Variants in ANK1 observed in about 807,000 individuals in gnomAD.
ANK1 encodes ankyrin 1.
Under a neutral mutation model 210.4 loss-of-function variants are expected in ANK1, and 51 were observed. The observed-to-expected ratio is 0.24, with a 90% CI of 0.19 to 0.31. The LOEUF is 0.31. ANK1 is among the 10% of genes least tolerant of loss of function. The pLI is 1.00. For synonymous variants in ANK1, 967 were observed against 1,025.9 expected (o/e 0.94, Z 1.10); for missense variants, 2,051 against 2,504.4 (o/e 0.82, Z 3.86).
chr8:41,888,864 T>A lies in ANK1; in HGVS notation c.126+7491A>T, dbSNP rs369114740. Among the ~76,000 whole-genome samples the A allele has an allele frequency of 2.6e-4, 39 of 152,326 alleles. No homozygotes were observed. The East Asian group carries it at 5.2e-3, about 20-fold the overall frequency. ...CAGCTCCAAGACATTCTGAGGGGCC[T>A]CGGACACCCACATTCCCACTGGAAC... On this transcript the variant is annotated intron_variant, in intron 1 of 42. Coordinates refer to the ANK1 transcript ENST00000265709.
At chr8:41,874,371 T>G (rs1445801713) in intron 1 of ANK1, among the ~76,000 whole-genome samples, 3 of 152,216 alleles carry the variant, frequency 2.0e-5, no homozygotes, top group African/African-American at 7.2e-5. Context: ...TTTTGAAAAG[T>G]TGCACTGGGC....
At chr8:41,888,181 T>C (rs1818785441) in intron 1 of ANK1, among the ~76,000 whole-genome samples, 1 of 152,212 alleles carries the variant, frequency 6.6e-6, no homozygotes, top group Non-Finnish European at 1.5e-5. Context: ...AAGCCACCTA[T>C]GCCACATGCC....
chr8:41,849,894 C>T (rs1200584785), intron 1 of ANK1, among the ~76,000 whole-genome samples: 4 of 152,140 alleles, frequency 2.6e-5, no homozygotes, highest in Admixed American at 2.6e-4. Flanking sequence ...CTATGGAGCA[C>T]CTGCGATTGG....
rs1052585065 is a variant in ANK1, at chr8:41,654,051, TTAAG to T, written c.*1735_*1738del. Reference sequence around the variant, plus strand: ...GGGGCTTCTGTGCTACTTGGAAGGTTTAAGTGTGTCCCGAGGACACTCCCGCAGA... The same window carrying T: ...GGGGCTTCTGTGCTACTTGGAAGGTTTGTGTCCCGAGGACACTCCCGCAGA... On this transcript the variant is annotated 3_prime_UTR_variant, in exon 43 of 43. Transcript: ENST00000289734. The T allele has an allele frequency of 2.0e-5, 3 of 152,198 alleles. No individual in the cohort carries two copies. The highest frequency in any genetic ancestry group is 7.2e-5 in the African/African-American group (3 of 41,384). 9.4% of individuals were successfully genotyped at this position (152,198 alleles called of 1,614,324 possible).
At chr8:41,773,379 C>T (rs1843346433) in intron 1 of ANK1, among the ~76,000 whole-genome samples, 1 of 152,062 alleles carries the variant, frequency 6.6e-6, no homozygotes, top group Non-Finnish European at 1.5e-5. Flanking sequence ...AAAGGGCCAA[C>T]ATTAAACCCG....
intron 2 of ANK1, among the ~76,000 whole-genome samples, chr8:41,736,519 T>C (rs60808091): frequency 0.023 from 3,504 of 152,312 alleles, 161 homozygotes; most frequent in African/African-American, 0.081. Flanking sequence ...GCTGTCGGCA[T>C]GGCTGGAGTG....
Position 41,774,913 on chromosome 8 carries a change from C to T in ANK1, c.28-16776G>A, listed in dbSNP as rs149446140. On this transcript the variant is annotated intron_variant, in intron 1 of 42. Transcript: ENST00000289734. ...GATGAGCGGCACTGCCAGAATGGGC[C>T]CATTTACTAAACTACCTCCAGTGTT... Among the ~76,000 whole-genome samples, 1,181 of 152,302 alleles carry T rather than the reference C, an allele frequency of 7.8e-3. 13 individuals are homozygous for T. Among genetic ancestry groups the T allele is most frequent in the South Asian group, 0.028 (133 of 4,824 alleles).
At chr8:41,703,452 T>TATATATATATATATATATA (rs57245303) in intron 20 of ANK1, among the ~76,000 whole-genome samples, 1 of 28,760 alleles carries the variant, frequency 3.5e-5, no homozygotes, top group African/African-American at 7.4e-5. Context: ...ATATATATAT[T>TATATATATATATATATATA]TTTTTTTTTT....
rs779157384 is a variant in ANK1, at chr8:41,686,212, A to G, written c.4330T>C (p.Leu1444=). ...TTCAGCAAGGCCACACTCTGCTCCA[A>G]CAGGGAGTTGGGATTTTCCACTCGG... ...RIRVENPNSL[L]EQSVALLNLW... Residue 1444 remains leucine (L), a synonymous_variant, in exon 36 of 43, where the codon TTG becomes CTG. Transcript: ENST00000289734. 1.9e-6 allele frequency: 3 copies of G among 1,614,074 alleles called. No individual in the cohort carries two copies. The highest frequency in any genetic ancestry group is 2.5e-6 in the Non-Finnish European group (3 of 1,180,046).
At chr8:41,666,326 T>C (rs1810549293) in intron 39 of ANK1, among the ~76,000 whole-genome samples, 1 of 152,244 alleles carries the variant, frequency 6.6e-6, no homozygotes. Flanking sequence ...TTCTATCGTC[T>C]TCCCATTTTA....
intron 1 of ANK1, among the ~76,000 whole-genome samples, chr8:41,768,069 G>A (rs1452718544): frequency 6.6e-6 from 1 of 152,218 alleles, no homozygotes; most frequent in African/African-American, 2.4e-5. Context: ...AGCGTCACCC[G>A]AGGCTGTGTC....
chr8:41,888,699 C>T (rs1818880201), intron 1 of ANK1, among the ~76,000 whole-genome samples: 1 of 152,260 alleles, frequency 6.6e-6, no homozygotes, highest in South Asian at 2.1e-4. Flanking sequence ...AACAGAGAAT[C>T]TCCAAACTGA....
At chr8:41,798,820 C>G (rs560725423), upstream of ANK1, among the ~76,000 whole-genome samples, 1 of 152,182 alleles carries the variant, frequency 6.6e-6, no homozygotes, top group Non-Finnish European at 1.5e-5. Context: ...TCCAGCCTTC[C>G]TCACGTGATG....
At position 41,693,918 on chromosome 8, in the gene ANK1, C is replaced by T. The variant is rs767553149; in HGVS notation, c.3512G>A (p.Arg1171His). The T allele has an allele frequency of 3.1e-6, 5 of 1,611,256 alleles. No individual in the cohort carries two copies. Among genetic ancestry groups the T allele is most frequent in the Non-Finnish European group, 2.5e-6 (3 of 1,178,990 alleles). Reference protein sequence around the residue: ...DSGEGDTTSLRLLCSVIGGTD... With the variant: ...DSGEGDTTSLHLLCSVIGGTD... ...CTCACCAATGACGCTGCAAAGCAGG[C>T]GCAGGCTGGTGGTGTCTCCCTCCCC... The change falls in exon 29 of 43, where the codon CGC (arginine) becomes CAC (histidine). Residue 1171 changes from arginine (R) to histidine (H), a missense_variant. This residue lies in a region of ANK1 where 1,413 missense variants were observed against 1,707.4 expected (regional missense o/e 0.83). Coordinates refer to ENST00000289734, the MANE Select transcript of ANK1 (RefSeq NM_000037.4).
At chr8:41,758,851 C>T (rs527519182) in intron 1 of ANK1, among the ~76,000 whole-genome samples, 5 of 152,278 alleles carry the variant, frequency 3.3e-5, no homozygotes, top group African/African-American at 1.2e-4. Context: ...ACCAAAGGAA[C>T]CAAGCGTGGG....
At chr8:41,855,374 C>T (rs1036847609) in intron 1 of ANK1, among the ~76,000 whole-genome samples, 3 of 152,328 alleles carry the variant, frequency 2.0e-5, no homozygotes, top group East Asian at 1.9e-4. Context: ...TAGGAGACCT[C>T]CCTTTTAAAA....
chr8:41,817,955 T>A (rs1803594331), intron 1 of ANK1, among the ~76,000 whole-genome samples: 1 of 152,226 alleles, frequency 6.6e-6, no homozygotes, highest in Non-Finnish European at 1.5e-5. Context: ...GTGTGCCAGC[T>A]GCCAATGGGC....
At chr8:41,793,810 T>C (rs1848223582) in intron 1 of ANK1, among the ~76,000 whole-genome samples, 2 of 152,160 alleles carry the variant, frequency 1.3e-5, no homozygotes, top group African/African-American at 4.8e-5. Flanking sequence ...GTGGCTCCCA[T>C]CTCCTTTTAA....
At chr8:41,675,841 T>C (rs1046386244) in intron 37 of ANK1, among the ~76,000 whole-genome samples, 5 of 152,220 alleles carry the variant, frequency 3.3e-5, no homozygotes, top group African/African-American at 1.2e-4. Flanking sequence ...TCCCAGGATT[T>C]TACATAAACG....
Sources: allele counts gnomAD v4.1 joint callset (sites outside exome capture counted in the v4.1 genomes callset), GRCh38; gene constraint gnomAD v4.1.1; regional missense constraint gnomAD v4.1.1; transcripts MANE v1.5; gene names NCBI Gene and HGNC (gene_info 2026-07-23, HGNC 2026-07-21).